The following CSGALNACT1 variants were observed in gnomAD, a reference collection of about 807,000 sequenced individuals.
The protein encoded by CSGALNACT1 is beta4GalNAcT-1.
Under a neutral mutation model 51.0 loss-of-function variants are expected in CSGALNACT1, and 52 were observed. The ratio of observed to expected loss-of-function variants is 1.02; its 90% confidence interval spans 0.82 to 1.29. The LOEUF (loss-of-function observed/expected upper bound fraction) is 1.29, where lower values mean the gene tolerates loss of function less well. Among genes scored for constraint, CSGALNACT1 ranks in the 50% most tolerant of loss-of-function variants. The pLI is 0.00. For missense variants in CSGALNACT1, 935 were observed against 679.2 expected, an observed-to-expected ratio of 1.38 and a Z score of -4.19; for synonymous variants, 341 against 254.4, an observed-to-expected ratio of 1.34 and a Z score of -3.24.
At chr8:19,574,823 TGAG>T (rs1284821635) in intron 3 of CSGALNACT1, among the ~76,000 whole-genome samples, 3 of 152,112 alleles carry the variant, frequency 2.0e-5, no homozygotes, top group African/African-American at 7.2e-5. Context: ...CGAGGTCTCC[TGAG>T]GAGATCAAGA....
intron 3 of CSGALNACT1, among the ~76,000 whole-genome samples, chr8:19,589,609 G>C (rs2047380071): frequency 6.6e-6 from 1 of 152,242 alleles, no homozygotes; most frequent in African/African-American, 2.4e-5. Context: ...GGGATTATAG[G>C]TGTTAGCCAC....
intron 1 of CSGALNACT1, among the ~76,000 whole-genome samples, chr8:19,622,003 C>T (rs2053885244): frequency 6.6e-6 from 1 of 152,126 alleles, no homozygotes; most frequent in South Asian, 2.1e-4. Flanking sequence ...TAACTCAAGT[C>T]CTGGTATGTA....
intron 1 of CSGALNACT1, among the ~76,000 whole-genome samples, chr8:19,677,350 AT>A (rs2060269850): frequency 2.0e-5 from 3 of 152,174 alleles, no homozygotes; most frequent in Admixed American, 2.0e-4. Context: ...ACCTCAAGTC[AT>A]CCTCCCACCT....
chr8:19,473,421 G>A (rs529631440), intron 4 of CSGALNACT1, among the ~76,000 whole-genome samples: 23 of 152,054 alleles, frequency 1.5e-4, no homozygotes, highest in East Asian at 7.7e-4. Context: ...ATCACCATCC[G>A]CCGTCACTAA....
intron 4 of CSGALNACT1, among the ~76,000 whole-genome samples, chr8:19,487,050 A>T (rs752151820): frequency 1.3e-5 from 2 of 152,250 alleles, no homozygotes; most frequent in African/African-American, 4.8e-5. Context: ...GAAGAAAGTT[A>T]ACCTACATTC....
intron 3 of CSGALNACT1, chr8:19,588,163 C>G (rs2047048647): frequency 1.3e-5 from 2 of 151,958 alleles, no homozygotes; most frequent in African/African-American, 4.8e-5. Context: ...CCATTACACT[C>G]TAGCCTAGGT....
chr8:19,725,301 C>A (rs2063338873), intron 1 of CSGALNACT1, among the ~76,000 whole-genome samples: 1 of 152,188 alleles, frequency 6.6e-6, no homozygotes, highest in African/African-American at 2.4e-5. Context: ...TGCGTCCTGG[C>A]TGCCCAAGGC....
chr8:19,741,419 CG>C (rs1256060622), intron 1 of CSGALNACT1, among the ~76,000 whole-genome samples: 1 of 152,006 alleles, frequency 6.6e-6, no homozygotes, highest in African/African-American at 2.4e-5. Context: ...AAAAATTAGC[CG>C]GGCGTGGTGG....
intron 2 of CSGALNACT1, among the ~76,000 whole-genome samples, chr8:19,599,468 AAGAAAAAGAAAGAAAG>A (rs1304450689): frequency 7.7e-4 from 83 of 108,462 alleles, no homozygotes; most frequent in African/African-American, 3.3e-3. Flanking sequence ...GAAAGAAAGA[AAGAAAAAGAAAGAAAG>A]AAAGAAAGAA....
intron 5 of CSGALNACT1, among the ~76,000 whole-genome samples, chr8:19,447,107 G>A (rs926336178): frequency 2.6e-5 from 4 of 152,198 alleles, no homozygotes; most frequent in South Asian, 2.1e-4. Flanking sequence ...GTTGTTCGTA[G>A]CCTTAGCATA....
In CSGALNACT1 at chr8:19,703,168, C is replaced by T. The variant is rs960169242; in HGVS notation, c.-297+54682G>A. Among the ~76,000 whole-genome samples, 6 of 152,104 alleles carry T rather than the reference C, an allele frequency of 3.9e-5. 1 individual carries two copies. Among genetic ancestry groups the T allele is most frequent in the Non-Finnish European group, 4.4e-5 (3 of 68,026 alleles). On this transcript the variant is annotated intron_variant, in intron 1 of 1. Transcript: ENST00000517494. ...CCAAAATAACCCAAGACCCTGAAATCGAGAGCTTTTCCTTCTCAACTAGAC... is the reference window on the plus strand; with the variant it reads ...CCAAAATAACCCAAGACCCTGAAATTGAGAGCTTTTCCTTCTCAACTAGAC...
intron 1 of CSGALNACT1, among the ~76,000 whole-genome samples, chr8:19,648,538 T>G (rs567622614): frequency 5.3e-5 from 8 of 152,348 alleles, no homozygotes; most frequent in Admixed American, 4.6e-4. Context: ...CTCGACACTG[T>G]GGCTGATACC....
At chr8:19,505,015 G>T (rs909522976) in intron 4 of CSGALNACT1, among the ~76,000 whole-genome samples, 186 bp downstream of exon 3, 1 of 152,178 alleles carries the variant, frequency 6.6e-6, no homozygotes, top group Non-Finnish European at 1.5e-5. Context: ...CCATGAGAAA[G>T]TAAGTGGAAA....
intron 6 of CSGALNACT1, among the ~76,000 whole-genome samples, chr8:19,428,837 G>A (rs200983749): frequency 0.088 from 8,200 of 93,330 alleles, 276 homozygotes; most frequent in Middle Eastern, 0.18. Context: ...GTGTGTGTGT[G>A]TGTGTGTGTG....
intron 6 of CSGALNACT1, among the ~76,000 whole-genome samples, chr8:19,435,604 AG>A (rs752000419): frequency 6.6e-6 from 1 of 152,192 alleles, no homozygotes; most frequent in Non-Finnish European, 1.5e-5. Flanking sequence ...GAACTAGTTC[AG>A]TGATGGTTCC....
chr8:19,560,875 A>G (rs1372612214), intron 3 of CSGALNACT1, among the ~76,000 whole-genome samples: 1 of 152,194 alleles, frequency 6.6e-6, no homozygotes, highest in African/African-American at 2.4e-5. Flanking sequence ...CAAAATCTAT[A>G]TTCCCAAAAC....
chr8:19,504,800 TG>T (rs2077004411), intron 4 of CSGALNACT1, among the ~76,000 whole-genome samples: 1 of 152,220 alleles, frequency 6.6e-6, no homozygotes, highest in South Asian at 2.1e-4. Flanking sequence ...AGAATAAGTG[TG>T]GCTGGCACAT....
chr8:19,679,226 G>A (rs989156807), intron 1 of CSGALNACT1, among the ~76,000 whole-genome samples: 2 of 152,172 alleles, frequency 1.3e-5, no homozygotes, highest in Non-Finnish European at 1.5e-5. Context: ...GCCGAGTAAC[G>A]TGGATCGCTT....
Position 19,487,635 on chromosome 8 carries a change from C to G in CSGALNACT1, c.634+17566G>C, listed in dbSNP as rs140071790. Among the ~76,000 whole-genome samples, 144 of 152,314 alleles carry G rather than the reference C, an allele frequency of 9.5e-4. 2 individuals are homozygous for G. In the East Asian group the frequency reaches 0.021, roughly 22 times the overall value. ...AACTCCAACAGCCGAAAAGCCACCT[C>G]TCTTACAAACTCGCCTGCACCTTCA... is the stretch of plus-strand genomic sequence containing the variant. On this transcript the variant is annotated intron_variant, in intron 4 of 9. Coordinates refer to ENST00000454498, the Ensembl canonical transcript of CSGALNACT1.
Sources: gnomAD v4.1 joint callset for allele counts (sites outside exome capture counted in the v4.1 genomes callset) on GRCh38, gnomAD v4.1.1 for gene constraint, MANE v1.5 for transcripts, NCBI Gene and HGNC (gene_info 2026-07-23, HGNC 2026-07-21) for gene names.